Variants in SPIRE2 observed in about 807,000 individuals in gnomAD.
SPIRE2 encodes the protein spire type actin nucleation factor 2, also known as protein spire homolog 2.
Under a neutral mutation model 80.7 loss-of-function variants are expected in SPIRE2, and 76 were observed. That is an observed-to-expected ratio of 0.94 (90% CI 0.78 to 1.14). The LOEUF (loss-of-function observed/expected upper bound fraction) is 1.14. SPIRE2 is among the 50% of genes most tolerant of loss of function. The pLI is 0.00. For missense variants in SPIRE2, 1,196 were observed against 1,015.3 expected (o/e 1.18, Z -2.42); for synonymous variants, 535 against 432.6 (o/e 1.24, Z -2.94).
chr16:89,835,076 G>A (rs1021281016), intron 1 of SPIRE2, among the ~76,000 whole-genome samples: 3 of 150,718 alleles, frequency 2.0e-5, no homozygotes, highest in Non-Finnish European at 3.0e-5. Flanking sequence ...GAACCTGCCC[G>A]CACTCGCAGT....
chr16:89,865,691 C>T lies in SPIRE2; in HGVS notation c.1778+1830C>T, dbSNP rs534489803. ...ACTGAATAAAAAAGTAAGGCTGGGC[C>T]GGGCGCGGTGGCTCACACCTTGATC... On this transcript the variant is annotated intron_variant, in intron 12 of 14. Transcript: ENST00000378247. Among the ~76,000 whole-genome samples the T allele has an allele frequency of 2.4e-4, 37 of 152,014 alleles. 1 individual carries two copies. Among genetic ancestry groups the T allele is most frequent in the South Asian group, 4.1e-4 (2 of 4,822 alleles).
chr16:89,858,834 G>A (rs1030333811), intron 8 of SPIRE2, among the ~76,000 whole-genome samples: 19 of 152,328 alleles, frequency 1.2e-4, no homozygotes, highest in African/African-American at 4.3e-4. Context: ...TGGACCCAGC[G>A]AGGCTCCCTG....
At position 89,863,915 on chromosome 16, in the gene SPIRE2, T is replaced by A; in HGVS notation, c.1778+54T>A. 1 of 1,418,600 alleles carries A rather than the reference T, an allele frequency of 7.0e-7. No individual in the cohort carries two copies. The highest frequency in any genetic ancestry group is 1.2e-5 in the South Asian group (1 of 81,808). The allele number at this position is 1,418,600 out of a possible 1,614,324, so 87.9% of individuals were successfully genotyped here. A position where few individuals can be genotyped will look rare whatever the true frequency, so the allele number is the denominator to read the frequency against. ...CAAGGGAAGGAGGAGGCGAGAAACC[T>A]CGGGGCAGTACCGCCCACAGAACTT... On this transcript the variant is annotated intron_variant, in intron 12 of 14. Transcript: ENST00000378247. The surrounding 1 kb of genome is among the most constrained non-coding windows in gnomAD (Gnocchi z 4.3).
chr16:89,858,886 C>T (rs1414033400), intron 8 of SPIRE2, among the ~76,000 whole-genome samples: 1 of 152,232 alleles, frequency 6.6e-6, no homozygotes, highest in African/African-American at 2.4e-5. Flanking sequence ...CCTCTCTTCA[C>T]AGGAAGGGCT....
At chr16:89,848,146 G>A (rs1054130255) in intron 2 of SPIRE2, among the ~76,000 whole-genome samples, 3 of 152,220 alleles carry the variant, frequency 2.0e-5, no homozygotes, top group African/African-American at 4.8e-5. Flanking sequence ...TCTTCCAGTC[G>A]GCTTCCTCAC....
chr16:89,862,466 G>C (rs1295760942), intron 10 of SPIRE2: 1 of 152,370 alleles, frequency 6.6e-6, no homozygotes, highest in African/African-American at 2.4e-5. Flanking sequence ...GAGCACCACA[G>C]AACCTGGCCT....
intron 10 of SPIRE2, chr16:89,861,998 C>A (rs974657984): frequency 8.6e-5 from 13 of 151,318 alleles, no homozygotes; most frequent in African/African-American, 3.2e-4. Context: ...AATTAAGGCC[C>A]ACTTCTTTTT....
intron 1 of SPIRE2, among the ~76,000 whole-genome samples, chr16:89,844,218 T>C (rs1480056113): frequency 6.6e-6 from 1 of 151,904 alleles, no homozygotes; most frequent in Non-Finnish European, 1.5e-5. Context: ...TGAAGTGCAG[T>C]GGCATGATCT....
At chr16:89,868,624 G>T (rs1182751819) in intron 13 of SPIRE2, among the ~76,000 whole-genome samples, 1 of 152,118 alleles carries the variant, frequency 6.6e-6, no homozygotes, top group Non-Finnish European at 1.5e-5. Flanking sequence ...AGCATTTTGG[G>T]AGGCCAGTGA....
Position 89,859,272 on chromosome 16 carries a change from C to A in SPIRE2, c.1380C>A (p.Ala460=), listed in dbSNP as rs954213450. The change falls in exon 9 of 15, where the codon GCC becomes GCA. Residue 460 remains alanine (A), a synonymous_variant. Transcript: ENST00000378247. ...RSEVASGLQS[A]THPPGGTEPP... The stretch of plus-strand genomic sequence containing the variant: ...AGGTGGCCTCTGGCCTGCAGTCGGC[C>A]ACCCACCCCCCAGGAGGGACGGAGC... The A allele has an allele frequency of 3.7e-6, 6 of 1,606,852 alleles. No homozygotes were observed. Among genetic ancestry groups the A allele is most frequent in the Non-Finnish European group, 3.4e-6 (4 of 1,178,814 alleles).
At chr16:89,840,329 A>G (rs2041492042) in intron 1 of SPIRE2, among the ~76,000 whole-genome samples, 1 of 145,658 alleles carries the variant, frequency 6.9e-6, no homozygotes, top group Admixed American at 7.1e-5. Context: ...GGCTCACTGC[A>G]AGCTCCACCT....
intron 3 of SPIRE2, among the ~76,000 whole-genome samples, chr16:89,853,070 C>T (rs1470338401): frequency 6.6e-6 from 1 of 152,180 alleles, no homozygotes; most frequent in African/African-American, 2.4e-5. Context: ...CCTCCTGGGA[C>T]ATGCTTCTAA....
intron 5 of SPIRE2, among the ~76,000 whole-genome samples, chr16:89,855,012 C>T (rs1245811457): frequency 2.0e-5 from 3 of 152,062 alleles, no homozygotes; most frequent in Non-Finnish European, 2.9e-5. Flanking sequence ...GACCTTGGCT[C>T]ACTGCAAGCT....
chr16:89,845,462 T>C lies in SPIRE2; in HGVS notation c.288+97T>C. 1.7e-5 allele frequency: 20 copies of C among 1,153,862 alleles called. No homozygotes were observed. In the South Asian group the frequency reaches 2.5e-4, roughly 14 times the overall value. The allele number at this position is 1,153,862 out of a possible 1,614,324, so 71.5% of individuals were successfully genotyped here. ...TAAAACATATATAGTTACACAGTTG[T>C]TTCAGGGAGGCAGGGTGCAGATGAA... On this transcript the variant is annotated intron_variant, in intron 2 of 14. Coordinates refer to ENST00000378247, the MANE Select transcript of SPIRE2 (RefSeq NM_032451.2).
intron 1 of SPIRE2, among the ~76,000 whole-genome samples, chr16:89,837,677 C>A (rs189883087): frequency 1.3e-5 from 2 of 151,416 alleles, no homozygotes; most frequent in African/African-American, 4.8e-5. Flanking sequence ...ACACGCCTCC[C>A]GGACTCGGGT....
intron 1 of SPIRE2, among the ~76,000 whole-genome samples, chr16:89,831,203 C>A (rs1456327544): frequency 1.3e-5 from 2 of 150,438 alleles, no homozygotes; most frequent in Non-Finnish European, 3.0e-5. Flanking sequence ...GCCACTGCGC[C>A]CAGCTGGGTG....
chr16:89,851,364 C>T (rs2041626101), intron 3 of SPIRE2, among the ~76,000 whole-genome samples: 1 of 152,180 alleles, frequency 6.6e-6, no homozygotes, highest in Non-Finnish European at 1.5e-5. Flanking sequence ...GGAGGCTCAG[C>T]GACTTGCTTG....
At chr16:89,860,659 G>C in intron 9 of SPIRE2, 24 bp from the exon 10 acceptor site, 7 of 1,502,912 alleles carry the variant, frequency 4.7e-6, no homozygotes, top group Non-Finnish European at 6.4e-6. Context: ...AGGCAGTCCT[G>C]ATGGAGCCTC....
intron 2 of SPIRE2, among the ~76,000 whole-genome samples, chr16:89,848,947 C>T (rs573113963): frequency 7.1e-6 from 1 of 141,314 alleles, no homozygotes; most frequent in Non-Finnish European, 1.6e-5. Flanking sequence ...ACAGACGAGG[C>T]AGGTTCCAGG....
Sources: allele counts gnomAD v4.1 joint callset (sites outside exome capture counted in the v4.1 genomes callset), GRCh38; gene constraint gnomAD v4.1.1; non-coding constraint Gnocchi (gnomAD v3.1); transcripts MANE v1.5; gene names NCBI Gene and HGNC (gene_info 2026-07-23, HGNC 2026-07-21).